ANKRD55: variants seen among roughly 807,000 people sequenced by gnomAD.
The protein encoded by ANKRD55 is ankyrin repeat domain 55.
In ANKRD55, 41 loss-of-function variants were observed where a neutral mutation model predicts 60.6. The observed-to-expected ratio is 0.68, with a 90% CI of 0.53 to 0.88. ANKRD55 has a LOEUF of 0.88. ANKRD55 is among the 40% of genes least tolerant of loss of function. The pLI, the probability that ANKRD55 is intolerant of heterozygous loss-of-function variation, is 0.00. For synonymous variants in ANKRD55, 264 were observed against 290.3 expected (o/e 0.91, Z 0.92); for missense variants, 732 against 767.6 (o/e 0.95, Z 0.55).
intron 2 of ANKRD55, among the ~76,000 whole-genome samples, chr5:56,206,008 T>C (rs1332297659): frequency 2.0e-5 from 3 of 148,906 alleles, no homozygotes; most frequent in Non-Finnish European, 4.4e-5. Context: ...AGAGTCTGAC[T>C]CCCATCGCCC....
chr5:56,232,791 T>A, intron 2 of ANKRD55, 65 bp downstream of exon 2: 1 of 1,504,994 alleles, frequency 6.6e-7, no homozygotes, highest in Non-Finnish European at 9.2e-7. Context: ...TCCTTACAAC[T>A]GTAAATCCAT....
intron 7 of ANKRD55, chr5:56,137,344 C>A: frequency 7.0e-7 from 1 of 1,425,574 alleles, no homozygotes; most frequent in Non-Finnish European, 9.8e-7. Flanking sequence ...AACAAAGCAC[C>A]TAAGATGTGC....
At chr5:56,132,255 G>C (rs1475533577) in intron 7 of ANKRD55, among the ~76,000 whole-genome samples, 1 of 151,814 alleles carries the variant, frequency 6.6e-6, no homozygotes, top group Non-Finnish European at 1.5e-5. Context: ...AATATGCTAA[G>C]AAAAGAGAGA....
At chr5:56,175,680 T>A (rs185497613) in intron 4 of ANKRD55, among the ~76,000 whole-genome samples, 1 of 152,124 alleles carries the variant, frequency 6.6e-6, no homozygotes, top group Non-Finnish European at 1.5e-5. Flanking sequence ...TTGTCTCCCC[T>A]GTTCTTTATC....
At chr5:56,169,975 G>C (rs1276446423) in intron 5 of ANKRD55, among the ~76,000 whole-genome samples, 1 of 152,158 alleles carries the variant, frequency 6.6e-6, no homozygotes, top group Admixed American at 6.5e-5. Flanking sequence ...AGCTACCCTT[G>C]GTATGGACAA....
Position 56,202,608 on chromosome 5 carries a change from C to T in ANKRD55, c.59-18974G>A, listed in dbSNP as rs6899010. The stretch of plus-strand genomic sequence containing the variant: ...ATAGCTCCGAACTTTCCACATGTAC[C>T]AGTTGAGGGAACAAACATGCAAAGT... On this transcript the variant is annotated intron_variant, in intron 2 of 11. Coordinates refer to ENST00000341048, the MANE Select transcript of ANKRD55 (RefSeq NM_024669.3). Among the ~76,000 whole-genome samples the T allele has an allele frequency of 6.0e-3, 913 of 152,296 alleles. 9 individuals carry two copies. Among genetic ancestry groups the T allele is most frequent in the African/African-American group, 0.021 (856 of 41,558 alleles).
intron 2 of ANKRD55, among the ~76,000 whole-genome samples, chr5:56,186,067 G>A (rs902073413): frequency 2.0e-5 from 3 of 152,224 alleles, no homozygotes; most frequent in African/African-American, 2.4e-5. Context: ...TGTGATGAGC[G>A]CAAGGACTAT....
At chr5:56,103,290 C>G (rs1382660936) in intron 10 of ANKRD55, among the ~76,000 whole-genome samples, 5 of 152,214 alleles carry the variant, frequency 3.3e-5, no homozygotes, top group Non-Finnish European at 7.3e-5. Context: ...TGACATCACA[C>G]TAGTGTCTTG....
At chr5:56,207,261 G>A (rs1205092975) in intron 2 of ANKRD55, among the ~76,000 whole-genome samples, 1 of 152,162 alleles carries the variant, frequency 6.6e-6, no homozygotes, top group African/African-American at 2.4e-5. Flanking sequence ...CTGGTCTTAT[G>A]TGTGTGTTCC....
At chr5:56,168,965 T>C (rs1758547333) in intron 5 of ANKRD55, among the ~76,000 whole-genome samples, 1 of 152,248 alleles carries the variant, frequency 6.6e-6, no homozygotes, top group Admixed American at 6.5e-5. Flanking sequence ...CAAGTGATTC[T>C]CCTGCTTCAG....
intron 3 of ANKRD55, among the ~76,000 whole-genome samples, chr5:56,182,917 T>C (rs1481721289): frequency 6.6e-6 from 1 of 152,230 alleles, no homozygotes; most frequent in East Asian, 1.9e-4. Flanking sequence ...TTCCTGGTCC[T>C]TTTGCCAGAG....
chr5:56,215,057 G>A (rs1406362832), intron 2 of ANKRD55, among the ~76,000 whole-genome samples: 1 of 152,114 alleles, frequency 6.6e-6, no homozygotes, highest in Non-Finnish European at 1.5e-5. Flanking sequence ...CACAACCAAA[G>A]AGCAAGATGC....
At chr5:56,232,807 G>A (rs1760292176) in intron 2 of ANKRD55, 49 bp downstream of exon 2, 1 of 1,551,266 alleles carries the variant, frequency 6.4e-7, no homozygotes, top group African/African-American at 1.4e-5. Context: ...TCCATACCAT[G>A]AGACTAAGGA....
Position 56,166,199 on chromosome 5 carries a change from T to TTCCTTCTCTC in ANKRD55, c.422+4494_422+4495insGAGAGAAGGA, listed in dbSNP as rs769664867. On this transcript the variant is annotated intron_variant, in intron 5 of 11. Transcript: ENST00000341048. ...CTTCCTTCCTTCCTTCCTTCCTTCCTTCTCTCTCTCTCTCTCTCTTTCTTT... is the reference window on the plus strand; with the variant it reads ...CTTCCTTCCTTCCTTCCTTCCTTCCTTCCTTCTCTCTCTCTCTCTCTCTCTCTCTTTCTTT... Among the ~76,000 whole-genome samples, 32 of 96,116 alleles carry TTCCTTCTCTC rather than the reference T, an allele frequency of 3.3e-4. 2 individuals carry two copies. The highest frequency in any genetic ancestry group is 1.3e-3 in the East Asian group (3 of 2,246). 63.1% of individuals were successfully genotyped at this position (96,116 alleles called of 152,430 possible).
chr5:56,197,786 C>A (rs576814744), intron 2 of ANKRD55, among the ~76,000 whole-genome samples: 1 of 152,026 alleles, frequency 6.6e-6, no homozygotes, highest in Non-Finnish European at 1.5e-5. Flanking sequence ...AACCACTGAT[C>A]GGCTTTTAAT....
intron 5 of ANKRD55, chr5:56,160,916 A>G (rs1002828651): frequency 6.6e-6 from 1 of 152,196 alleles, no homozygotes; most frequent in Non-Finnish European, 1.5e-5. Context: ...CAGCCCTGCC[A>G]CTGATGAGCT....
At chr5:56,185,301 G>T (rs748188661) in intron 2 of ANKRD55, among the ~76,000 whole-genome samples, 6 of 152,134 alleles carry the variant, frequency 3.9e-5, no homozygotes, top group Non-Finnish European at 8.8e-5. Context: ...CTGCTCAAGA[G>T]GAGGCCTCCA....
In ANKRD55 at chr5:56,109,038, AACACACAC is replaced by A. The variant is rs60023559; in HGVS notation, c.1630+2072_1630+2079del. ...GGTGACAAGTGAGACTCTGTCTCAA[AACACACAC>A]ACACACACACACACACACACACACA... On this transcript the variant is annotated intron_variant, in intron 10 of 11. Coordinates refer to ENST00000341048, the MANE Select transcript of ANKRD55 (RefSeq NM_024669.3). Among the ~76,000 whole-genome samples the A allele has an allele frequency of 8.7e-3, 1,247 of 143,902 alleles. 5 individuals are homozygous for A. Among genetic ancestry groups the A allele is most frequent in the Non-Finnish European group, 0.012 (792 of 66,770 alleles). 94.4% of individuals were successfully genotyped at this position (143,902 alleles called of 152,430 possible).
chr5:56,144,812 TGG>T (rs1231597562), intron 6 of ANKRD55, among the ~76,000 whole-genome samples: 3 of 152,174 alleles, frequency 2.0e-5, no homozygotes, highest in Admixed American at 1.3e-4. Flanking sequence ...TGCTGAGAAA[TGG>T]TGGCCAAAAA....
Sources: allele counts gnomAD v4.1 joint callset (sites outside exome capture counted in the v4.1 genomes callset), GRCh38; gene constraint gnomAD v4.1.1; transcripts MANE v1.5; gene names NCBI Gene and HGNC (gene_info 2026-07-23, HGNC 2026-07-21).